Variants in EML1 observed in about 807,000 individuals in gnomAD.
EML1 encodes echinoderm microtubule-associated protein-like 1.
In EML1, 27 loss-of-function variants were observed where a neutral mutation model predicts 110.4. The ratio of observed to expected loss-of-function variants is 0.24; its 90% confidence interval spans 0.18 to 0.34. The LOEUF (loss-of-function observed/expected upper bound fraction) is 0.34, where lower values mean the gene tolerates loss of function less well. Ranked by LOEUF, EML1 falls within the 10% of genes least tolerant of loss-of-function variation. The probability of loss-of-function intolerance (pLI) is 1.00; values close to 1 mark genes in which losing one functional copy is unlikely to be tolerated. For synonymous variants in EML1, 344 were observed against 385.8 expected (o/e 0.89, Z 1.27); for missense variants, 741 against 1,030.9 (o/e 0.72, Z 3.85).
At chr14:99,792,965 G>C (rs1022580664), upstream of EML1, 10 of 152,122 alleles carry the variant, frequency 6.6e-5, no homozygotes, top group African/African-American at 2.4e-4. Flanking sequence ...CAGCGCGTCG[G>C]GGGCGGGTGG....
rs758666309 is a variant in EML1 at position 99,939,351 on chromosome 14, AT to A, written c.2322+25del. 1 of 1,613,878 alleles carries A rather than the reference AT, an allele frequency of 6.2e-7. No individual in the cohort carries two copies. Among genetic ancestry groups the A allele is most frequent in the Non-Finnish European group, 8.5e-7 (1 of 1,179,890 alleles). On this transcript the variant is annotated intron_variant, in intron 21 of 21. Coordinates refer to ENST00000262233, the MANE Select transcript of EML1 (RefSeq NM_004434.3). This position sits in a 1 kb window ranked among gnomAD's most constrained non-coding sequence, Gnocchi z 4.2. ...GGGTAAAGGACTTGTTTCTTCACTA[AT>A]CTTATCCCCCATGGGGCATGCACGT...
chr14:99,898,446 TGTAAA>T (rs1257098460), intron 8 of EML1, 144 bp downstream of exon 8: 1 of 778,230 alleles, frequency 1.3e-6, no homozygotes, highest in African/African-American at 1.8e-5. Context: ...AATTTTTTAT[TGTAAA>T]TTAGAAGACT....
intron 10 of EML1, among the ~76,000 whole-genome samples, chr14:99,908,748 A>G (rs1305515107): frequency 6.6e-6 from 1 of 152,182 alleles, no homozygotes; most frequent in Non-Finnish European, 1.5e-5. Flanking sequence ...ATGGGACCCC[A>G]GGCCGGTTCA....
At chr14:99,772,278 G>C (rs1338867660), upstream of EML1, among the ~76,000 whole-genome samples, 1 of 152,238 alleles carries the variant, frequency 6.6e-6, no homozygotes, top group Non-Finnish European at 1.5e-5. Flanking sequence ...CTTGCAAACT[G>C]TGTGTTTGGG....
At chr14:99,850,773 C>T (rs1043398642) in intron 1 of EML1, 80 bp from the exon 2 acceptor site, 15 of 1,478,490 alleles carry the variant, frequency 1.0e-5, no homozygotes, top group Non-Finnish European at 1.4e-5. Flanking sequence ...GGGCTTAAAA[C>T]AGCATGCTAG....
intron 9 of EML1, among the ~76,000 whole-genome samples, chr14:99,904,901 G>T (rs1339724279): frequency 6.6e-6 from 1 of 152,164 alleles, no homozygotes; most frequent in Non-Finnish European, 1.5e-5. Context: ...ATGACAGAAT[G>T]ATATAGAAGA....
chr14:99,833,236 A>G (rs1214738628), intron 1 of EML1, among the ~76,000 whole-genome samples: 2 of 152,194 alleles, frequency 1.3e-5, no homozygotes, highest in Non-Finnish European at 2.9e-5. Flanking sequence ...TGGATATGCA[A>G]TTGTTCCAGC....
upstream of EML1, among the ~76,000 whole-genome samples, chr14:99,792,525 T>C (rs1202063470): frequency 2.6e-5 from 4 of 152,242 alleles, no homozygotes; most frequent in African/African-American, 7.2e-5. Context: ...TACAAACTCA[T>C]AGATCTATGT....
intron 1 of EML1, among the ~76,000 whole-genome samples, chr14:99,782,068 A>C (rs1410603258): frequency 6.6e-6 from 1 of 152,172 alleles, no homozygotes; most frequent in Non-Finnish European, 1.5e-5. Flanking sequence ...ATCGTAGGGC[A>C]CTGTTATCCT....
chr14:99,877,923 G>A (rs559497316), intron 3 of EML1, among the ~76,000 whole-genome samples: 2 of 152,214 alleles, frequency 1.3e-5, no homozygotes, highest in South Asian at 2.1e-4. Flanking sequence ...CCATCCCCCC[G>A]GGTTGCACAC....
chr14:99,749,678 T>C (rs549488059), intron 1 of EML1, among the ~76,000 whole-genome samples: 1 of 152,162 alleles, frequency 6.6e-6, no homozygotes, highest in Non-Finnish European at 1.5e-5. Flanking sequence ...CCCAAACCCA[T>C]GTAGACAGGG....
intron 17 of EML1, among the ~76,000 whole-genome samples, chr14:99,934,284 C>G (rs541940813): frequency 6.6e-6 from 1 of 152,200 alleles, no homozygotes; most frequent in Non-Finnish European, 1.5e-5. Flanking sequence ...CATCAGCAGC[C>G]GATGACAGCC....
intron 1 of EML1, among the ~76,000 whole-genome samples, chr14:99,739,239 G>A (rs946153772): frequency 4.0e-5 from 6 of 151,846 alleles, no homozygotes; most frequent in Non-Finnish European, 8.8e-5. Context: ...GAAATTGCCC[G>A]CCGGGGCTGC....
At chr14:99,937,047 G>A (rs1015856097) in intron 19 of EML1, among the ~76,000 whole-genome samples, 1 of 152,202 alleles carries the variant, frequency 6.6e-6, no homozygotes, top group African/African-American at 2.4e-5. Context: ...TTCTGGCTTG[G>A]CCGCATGATG....
At chr14:99,865,482 C>T (rs1001094687) in intron 2 of EML1, 32 bp from the exon 3 acceptor site, 2 of 1,612,172 alleles carry the variant, frequency 1.2e-6, no homozygotes, top group East Asian at 2.2e-5. Context: ...CAAAGGGGAA[C>T]TTTCTGATAT....
chr14:99,935,843 G>A (rs1021156998), intron 17 of EML1, among the ~76,000 whole-genome samples, 186 bp from the exon 18 acceptor site: 1 of 151,426 alleles, frequency 6.6e-6, no homozygotes, highest in East Asian at 1.9e-4. Context: ...CTGGCCAGAT[G>A]TGTGTTTTTC....
At chr14:99,864,241 G>C (rs1446027113) in intron 2 of EML1, among the ~76,000 whole-genome samples, 1 of 152,030 alleles carries the variant, frequency 6.6e-6, no homozygotes, top group Non-Finnish European at 1.5e-5. Flanking sequence ...CCTTATACAA[G>C]TCTTTTATCA....
upstream of EML1, among the ~76,000 whole-genome samples, chr14:99,771,470 A>G (rs2057427701): frequency 6.6e-6 from 1 of 152,242 alleles, no homozygotes; most frequent in Non-Finnish European, 1.5e-5. Context: ...CTAATCATTC[A>G]TCAGCTGAGA....
chr14:99,828,067 T>G (rs2058390147), intron 1 of EML1, among the ~76,000 whole-genome samples: 1 of 152,176 alleles, frequency 6.6e-6, no homozygotes, highest in Non-Finnish European at 1.5e-5. Flanking sequence ...CTTGTTATGA[T>G]TCTAGTCATG....
Sources: gnomAD v4.1 joint callset for allele counts (sites outside exome capture counted in the v4.1 genomes callset) on GRCh38, gnomAD v4.1.1 for gene constraint, Gnocchi (gnomAD v3.1) non-coding constraint, MANE v1.5 for transcripts, NCBI Gene and HGNC (gene_info 2026-07-23, HGNC 2026-07-21) for gene names.